TK2: variants seen among roughly 807,000 people sequenced by gnomAD.
TK2 encodes the protein thymidine kinase 2, mitochondrial.
TK2 carries 35 observed loss-of-function variants against 41.9 expected under a neutral mutation model. The ratio of observed to expected loss-of-function variants is 0.84; its 90% CI spans 0.64 to 1.11. TK2 has a LOEUF of 1.11. TK2 is among the 50% of genes least tolerant of loss of function. The probability of loss-of-function intolerance (pLI) is 0.00; values close to 1 mark genes in which losing one functional copy is unlikely to be tolerated. For synonymous variants in TK2, 128 were observed against 129.1 expected, an observed-to-expected ratio of 0.99 and a Z score of 0.06; for missense variants, 320 against 351.1, an observed-to-expected ratio of 0.91 and a Z score of 0.71.
In TK2 at chr16:66,517,219, A is replaced by G; in HGVS notation, c.539-4T>C. ...TCAGGATTGGTCCGAAGGTAAACTG[A>G]GGTTAAAAGAATACGTGGCTCTCAG... On this transcript the variant is annotated splice_polypyrimidine_tract_variant and splice_region_variant and intron_variant, in intron 7 of 9. Coordinates refer to ENST00000544898, the MANE Select transcript of TK2 (RefSeq NM_004614.5). This position sits in a 1 kb window ranked among gnomAD's most constrained non-coding sequence, Gnocchi z 4.3. 2.5e-6 allele frequency: 4 copies of G among 1,613,806 alleles called. No individual in the cohort carries two copies. The highest frequency in any genetic ancestry group is 3.4e-6 in the Non-Finnish European group (4 of 1,179,692).
intron 9 of TK2, among the ~76,000 whole-genome samples, chr16:66,512,994 T>C (rs1283170212): frequency 6.6e-6 from 1 of 152,024 alleles, no homozygotes. Context: ...TCACAGCCAA[T>C]CCCATGTTGT....
chr16:66,534,417 C>A (rs1473146384), intron 4 of TK2, among the ~76,000 whole-genome samples: 1 of 152,232 alleles, frequency 6.6e-6, no homozygotes, highest in South Asian at 2.1e-4. Flanking sequence ...AAACCTAAAT[C>A]AGTTCTTGCC....
chr16:66,549,111 C>T (rs187750313), intron 1 of TK2, 102 bp from the exon 2 acceptor site: 1 of 1,576,442 alleles, frequency 6.3e-7, no homozygotes, highest in African/African-American at 1.4e-5. Context: ...TATGCTCACT[C>T]CCTGGCCTAA....
chr16:66,525,965 C>T (rs983766675), intron 6 of TK2, among the ~76,000 whole-genome samples: 5 of 152,166 alleles, frequency 3.3e-5, no homozygotes, highest in Admixed American at 3.3e-4. Context: ...AGAACAGCTC[C>T]AGGCAAGGCC....
At position 66,517,940 on chromosome 16, in the gene TK2, C is replaced by T; in HGVS notation, c.450-63G>A. ...AAAACTTCTGGGCTATGCAATTCCC[C>T]CAAAAGGATCTTGAGACGGCTCTCA... On this transcript the variant is annotated intron_variant, in intron 6 of 9. Coordinates refer to ENST00000544898, the MANE Select transcript of TK2 (RefSeq NM_004614.5). The surrounding 1 kb of genome is among the most constrained non-coding windows in gnomAD (Gnocchi z 4.3). The T allele has an allele frequency of 7.3e-7, 1 of 1,375,840 alleles. No homozygotes were observed. Among genetic ancestry groups the T allele is most frequent in the East Asian group, 2.3e-5 (1 of 43,716 alleles). 85.2% of individuals were successfully genotyped at this position (1,375,840 alleles called of 1,614,324 possible). A position where few individuals can be genotyped will look rare whatever the true frequency, so the allele number is the denominator to read the frequency against.
chr16:66,548,798 C>T (rs767295617), intron 2 of TK2, 180 bp downstream of exon 2: 4 of 639,878 alleles, frequency 6.3e-6, no homozygotes, highest in East Asian at 2.6e-5. Context: ...GGGAAAGATA[C>T]AAGAAATTGG....
intron 4 of TK2, among the ~76,000 whole-genome samples, chr16:66,534,021 A>AC (rs987379414): frequency 6.6e-6 from 1 of 151,240 alleles, no homozygotes; most frequent in African/African-American, 2.4e-5. Flanking sequence ...AAAAAAAAAA[A>AC]AAAAAAGATT....
chr16:66,535,230 A>C (rs1197854055), intron 4 of TK2, among the ~76,000 whole-genome samples: 7 of 152,208 alleles, frequency 4.6e-5, no homozygotes, highest in Non-Finnish European at 8.8e-5. Flanking sequence ...TCTAGAGTGG[A>C]AACTTATATA....
At chr16:66,512,856 A>G (rs1964492163) in intron 9 of TK2, among the ~76,000 whole-genome samples, 1 of 152,206 alleles carries the variant, frequency 6.6e-6, no homozygotes, top group Non-Finnish European at 1.5e-5. Flanking sequence ...AAGAGCCATA[A>G]GCAGAAGTGT....
chr16:66,511,942 G>A lies in TK2; in HGVS notation c.*26C>T, dbSNP rs777455139. 1 of 1,607,664 alleles carries A rather than the reference G, an allele frequency of 6.2e-7. No homozygotes were observed. ...ACTTGGCAGCAGCAGGCATTTTTCA[G>A]ACATGAGCCATAGACCTTTTGCCTC... On this transcript the variant is annotated 3_prime_UTR_variant, in exon 10 of 10. Coordinates refer to ENST00000544898, the MANE Select transcript of TK2 (RefSeq NM_004614.5).
intron 2 of TK2, among the ~76,000 whole-genome samples, chr16:66,545,853 G>C (rs1965591635): frequency 6.6e-6 from 1 of 151,898 alleles, no homozygotes; most frequent in South Asian, 2.1e-4. Context: ...TGTGCTAAGT[G>C]AAAGAAGCCA....
intron 6 of TK2, among the ~76,000 whole-genome samples, chr16:66,527,426 G>C (rs1169071512): frequency 6.6e-6 from 1 of 152,126 alleles, no homozygotes; most frequent in Non-Finnish European, 1.5e-5. Flanking sequence ...GCAAAACAGT[G>C]GGGGACCAGA....
At chr16:66,542,776 C>T (rs904208542) in intron 2 of TK2, among the ~76,000 whole-genome samples, 9 of 152,176 alleles carry the variant, frequency 5.9e-5, no homozygotes, top group Non-Finnish European at 8.8e-5. Context: ...TCTGGCTATA[C>T]GCTAGGACCA....
At position 66,541,868 on chromosome 16, in the gene TK2, A is replaced by G. The variant is rs2144460172; in HGVS notation, c.231+11T>C. ...TCTCCGCTTCCTTCAAACCTAGCATAGAGGCTGTACCTCGACGTCTGTCGC... is the reference window on the plus strand; with the variant it reads ...TCTCCGCTTCCTTCAAACCTAGCATGGAGGCTGTACCTCGACGTCTGTCGC... On this transcript the variant is annotated intron_variant, in intron 3 of 9. Coordinates refer to ENST00000544898, the MANE Select transcript of TK2 (RefSeq NM_004614.5). The G allele has an allele frequency of 6.2e-7, 1 of 1,614,094 alleles. No individual in the cohort carries two copies. Among genetic ancestry groups the G allele is most frequent in the South Asian group, 1.1e-5 (1 of 91,084 alleles).
intron 2 of TK2, chr16:66,547,862 T>TTG: frequency 8.2e-7 from 1 of 1,225,528 alleles, no homozygotes. Context: ...GAACTAGCTA[T>TTG]TGTGTGTCTG....
chr16:66,530,098 G>A (rs550092305), intron 5 of TK2, among the ~76,000 whole-genome samples: 2 of 152,282 alleles, frequency 1.3e-5, no homozygotes, highest in African/African-American at 4.8e-5. Flanking sequence ...CAGATCTTTC[G>A]ATTTGTGGAT....
At chr16:66,512,411 G>GT (rs545118317) in intron 9 of TK2, among the ~76,000 whole-genome samples, 5 of 152,116 alleles carry the variant, frequency 3.3e-5, no homozygotes, top group East Asian at 3.9e-4. Flanking sequence ...TGAATGATTT[G>GT]TTTTTTTCCC....
At position 66,509,974 on chromosome 16, in the gene TK2, A is replaced by C. The variant is rs1383397242; in HGVS notation, c.*1994T>G. 1 of 152,292 alleles carries C rather than the reference A, an allele frequency of 6.6e-6. No individual in the cohort carries two copies. Among genetic ancestry groups the C allele is most frequent in the Non-Finnish European group, 1.5e-5 (1 of 68,080 alleles). The allele number at this position is 152,292 out of a possible 1,614,324, so 9.4% of individuals were successfully genotyped here. A position where few individuals can be genotyped will look rare whatever the true frequency, so the allele number is the denominator to read the frequency against. ...CAGCCTCCTCTCCAAGGTGGAAGGCAGGGAGGACAGCAGGCTCTCTTAGAC... is the reference window on the plus strand; with the variant it reads ...CAGCCTCCTCTCCAAGGTGGAAGGCCGGGAGGACAGCAGGCTCTCTTAGAC... On this transcript the variant is annotated 3_prime_UTR_variant, in exon 10 of 10. Transcript: ENST00000544898.
intron 1 of TK2, 106 bp downstream of exon 1, chr16:66,549,832 G>T (rs1965731758): frequency 2.3e-6 from 3 of 1,283,698 alleles, no homozygotes; most frequent in Non-Finnish European, 2.9e-6. Flanking sequence ...GAAATCCCGC[G>T]CCTCGGAAGA....
Sources: gnomAD v4.1 joint callset for allele counts (sites outside exome capture counted in the v4.1 genomes callset) on GRCh38, gnomAD v4.1.1 for gene constraint, Gnocchi (gnomAD v3.1) non-coding constraint, MANE v1.5 for transcripts, NCBI Gene and HGNC (gene_info 2026-07-23, HGNC 2026-07-21) for gene names.